The following UIMC1 variants were observed in gnomAD, a reference collection of about 807,000 sequenced individuals.
UIMC1 encodes the protein ubiquitin interaction motif containing 1, also known as BRCA1-A complex subunit RAP80.
Under a neutral mutation model 84.9 loss-of-function variants are expected in UIMC1, and 42 were observed. The ratio of observed to expected loss-of-function variants is 0.49; its 90% CI spans 0.39 to 0.64. The LOEUF is 0.64. UIMC1 is among the 30% of genes least tolerant of loss of function. The pLI is 0.00. For missense variants in UIMC1, 825 were observed against 847.6 expected, an observed-to-expected ratio of 0.97 and a Z score of 0.33; for synonymous variants, 281 against 293.0, an observed-to-expected ratio of 0.96 and a Z score of 0.42.
chr5:176,908,864 G>A (rs983184104), intron 11 of UIMC1, among the ~76,000 whole-genome samples, 170 bp from the exon 12 acceptor site: 8 of 152,154 alleles, frequency 5.3e-5, no homozygotes, highest in Non-Finnish European at 1.0e-4. Flanking sequence ...CTAATCCAAC[G>A]CCAATCAAAA....
chr5:177,011,803 ATTT>A (rs1173625143), intron 1 of UIMC1, among the ~76,000 whole-genome samples: 1 of 143,726 alleles, frequency 7.0e-6, no homozygotes. Flanking sequence ...TGAAGATTTA[ATTT>A]TTTTTTTTTT....
In UIMC1 at chr5:176,969,273, G is replaced by A. The variant is rs1286283674; in HGVS notation, c.482C>T (p.Pro161Leu). The change falls in exon 6 of 15, where the codon CCT becomes CTT. Residue 161 changes from proline to leucine, a missense_variant. By Grantham distance (98) the Pro-to-Leu change is moderately conservative. Coordinates refer to ENST00000511320, the MANE Select transcript of UIMC1 (RefSeq NM_001199298.2). ...GLTEGIWQLV[P>L]PSLFKGSHIS... Reference sequence around the variant, plus strand: ...ATGTGAGCCTTTAAACAGTGATGGAGGTACCAGCTGCCATATGCCTGTAGG... The same window carrying A: ...ATGTGAGCCTTTAAACAGTGATGGAAGTACCAGCTGCCATATGCCTGTAGG... 1 of 1,612,994 alleles carries A rather than the reference G, an allele frequency of 6.2e-7. No homozygotes were observed. Among genetic ancestry groups the A allele is most frequent in the East Asian group, 2.2e-5 (1 of 44,880 alleles).
intron 1 of UIMC1, among the ~76,000 whole-genome samples, chr5:177,020,136 C>T (rs1195773429): frequency 6.6e-6 from 1 of 152,148 alleles, no homozygotes; most frequent in Non-Finnish European, 1.5e-5. Context: ...CTCTCTTTGG[C>T]CTCCTCTGAT....
rs548070848 is a variant in UIMC1, at chr5:176,914,501, T to G, written c.1598-3112A>C. On this transcript the variant is annotated intron_variant, in intron 10 of 14. Coordinates refer to ENST00000511320, the MANE Select transcript of UIMC1 (RefSeq NM_001199298.2). The stretch of plus-strand genomic sequence containing the variant: ...TAATTTGGGGAGATATAGGAAATTA[T>G]GAGGCACTGTCCTTGCTCTTAAGGA... Among the ~76,000 whole-genome samples the G allele has an allele frequency of 3.9e-5, 6 of 152,340 alleles. No homozygotes were observed. The East Asian group carries it at 1.2e-3, about 29-fold the overall frequency.
At chr5:176,910,421 A>T (rs1433605868) in intron 11 of UIMC1, among the ~76,000 whole-genome samples, 1 of 152,170 alleles carries the variant, frequency 6.6e-6, no homozygotes, top group Admixed American at 6.5e-5. Flanking sequence ...AACCAAGGGG[A>T]TCTTATGAGT....
chr5:177,012,022 G>C (rs756601637), intron 1 of UIMC1, among the ~76,000 whole-genome samples: 10 of 152,048 alleles, frequency 6.6e-5, no homozygotes, highest in Non-Finnish European at 1.3e-4. Context: ...GGATAGTCTC[G>C]ATCTCCTGAC....
At chr5:176,951,866 T>G (rs1765919386) in intron 8 of UIMC1, among the ~76,000 whole-genome samples, 1 of 152,188 alleles carries the variant, frequency 6.6e-6, no homozygotes, top group Non-Finnish European at 1.5e-5. Flanking sequence ...TATAAAACAT[T>G]TCCAACACCC....
intron 1 of UIMC1, among the ~76,000 whole-genome samples, chr5:176,986,804 A>G (rs1488638421): frequency 6.6e-6 from 1 of 152,196 alleles, no homozygotes; most frequent in Non-Finnish European, 1.5e-5. Context: ...CATTATACTT[A>G]GGGTTCTAGG....
chr5:176,994,884 T>A (rs766731280), intron 1 of UIMC1, among the ~76,000 whole-genome samples: 2 of 151,788 alleles, frequency 1.3e-5, no homozygotes, highest in Non-Finnish European at 2.9e-5. Context: ...ACAAAACTTG[T>A]GAAACACAGG....
chr5:176,916,030 T>C (rs1760943818), intron 10 of UIMC1, among the ~76,000 whole-genome samples: 1 of 152,186 alleles, frequency 6.6e-6, no homozygotes, highest in African/African-American at 2.4e-5. Context: ...TTAAATGTTA[T>C]GATCACAATG....
intron 11 of UIMC1, 93 bp downstream of exon 11, chr5:176,911,218 G>C: frequency 9.5e-7 from 1 of 1,050,236 alleles, no homozygotes; most frequent in Non-Finnish European, 1.3e-6. Context: ...GCAGGCCAAA[G>C]AAATACAGGG....
intron 10 of UIMC1, among the ~76,000 whole-genome samples, chr5:176,929,130 T>C (rs1406139154): frequency 5.2e-5 from 7 of 135,202 alleles, no homozygotes; most frequent in South Asian, 4.8e-4. Flanking sequence ...TGGCGCGCAC[T>C]TGTAGTCCCA....
upstream of UIMC1, among the ~76,000 whole-genome samples, chr5:177,010,969 G>C (rs1775536486): frequency 6.6e-6 from 1 of 152,130 alleles, no homozygotes; most frequent in Non-Finnish European, 1.5e-5. Flanking sequence ...AAGGTGGGGA[G>C]ATCACTTGAG....
Position 176,908,554 on chromosome 5 carries a change from C to G in UIMC1, c.1817G>C (p.Gly606Ala), listed in dbSNP as rs759435510. The change falls in exon 12 of 15, where the codon GGG (glycine) becomes GCG (alanine). Residue 606 changes from glycine to alanine, a missense_variant. Coordinates refer to ENST00000511320, the MANE Select transcript of UIMC1 (RefSeq NM_001199298.2). ...GSGRACSTVE[G>A]KWQQRLKNPK... is the part of the protein sequence containing the mutation. ...GTTCTTCAGCCTCTGCTGCCACTTC[C>G]CCTCCACAGTTGAACATGCTCTTCC... 1.2e-6 allele frequency: 2 copies of G among 1,613,950 alleles called. No homozygotes were observed. The highest frequency in any genetic ancestry group is 2.7e-5 in the African/African-American group (2 of 74,916).
At chr5:176,908,475 G>T in intron 12 of UIMC1, 48 bp downstream of exon 12, 1 of 1,570,058 alleles carries the variant, frequency 6.4e-7, no homozygotes, top group South Asian at 1.2e-5. Context: ...TCTTACAACT[G>T]ACAACCAGGA....
intron 10 of UIMC1, among the ~76,000 whole-genome samples, chr5:176,932,139 C>A (rs946905508): frequency 1.3e-5 from 2 of 152,138 alleles, no homozygotes; most frequent in Non-Finnish European, 2.9e-5. Context: ...AGAGTATGTA[C>A]GTCAGTACTG....
intron 1 of UIMC1, among the ~76,000 whole-genome samples, chr5:177,000,906 T>C (rs114968547): frequency 6.6e-6 from 1 of 152,198 alleles, no homozygotes; most frequent in African/African-American, 2.4e-5. Flanking sequence ...ACATTCCGGT[T>C]ATTAATCCTT....
At chr5:176,954,118 T>C (rs1766266463) in intron 8 of UIMC1, among the ~76,000 whole-genome samples, 1 of 152,196 alleles carries the variant, frequency 6.6e-6, no homozygotes, top group Non-Finnish European at 1.5e-5. Flanking sequence ...CAAGTCATGA[T>C]CATAAAAGCT....
At chr5:176,945,865 CATAGGTT>C (rs1561797097) in intron 9 of UIMC1, among the ~76,000 whole-genome samples, 1 of 152,144 alleles carries the variant, frequency 6.6e-6, no homozygotes, top group African/African-American at 2.4e-5. Flanking sequence ...TCTTGCTAAT[CATAGGTT>C]ATGGAAAGAT....
Sources: gnomAD v4.1 joint callset for allele counts (sites outside exome capture counted in the v4.1 genomes callset) on GRCh38, gnomAD v4.1.1 for gene constraint, MANE v1.5 for transcripts, NCBI Gene and HGNC (gene_info 2026-07-23, HGNC 2026-07-21) for gene names.